ZMYM2: variants seen among roughly 807,000 people sequenced by gnomAD.
ZMYM2 encodes zinc finger MYM-type containing 2.
A neutral mutation model predicts 162.8 loss-of-function variants in ZMYM2; 56 were observed. The ratio of observed to expected loss-of-function variants is 0.34; its 90% CI spans 0.28 to 0.43. The LOEUF (loss-of-function observed/expected upper bound fraction) is 0.43. ZMYM2 is among the 20% of genes least tolerant of loss of function. The pLI, the probability that ZMYM2 is intolerant of heterozygous loss-of-function variation, is 1.00. For synonymous variants in ZMYM2, 510 were observed against 541.6 expected (o/e 0.94, Z 0.81); for missense variants, 1,275 against 1,621.8 (o/e 0.79, Z 3.67).
chr13:19,941,836 A>G, the ZMYM2 span, among the ~76,000 whole-genome samples: 1 of 139,850 alleles, frequency 7.2e-6, no homozygotes, highest in Non-Finnish European at 1.5e-5. Flanking sequence ...TACAGCCTTG[A>G]CCTGGGCTAA....
intron 2 of ZMYM2, among the ~76,000 whole-genome samples, chr13:19,992,205 A>C (rs1025612489): frequency 6.6e-6 from 1 of 152,166 alleles, no homozygotes; most frequent in Non-Finnish European, 1.5e-5. Flanking sequence ...ATTTTCAGAA[A>C]GATTTAATTG....
In ZMYM2 at chr13:19,993,845, C is replaced by G; in HGVS notation, c.773C>G (p.Pro258Arg). 2 of 1,613,996 alleles carry G rather than the reference C, an allele frequency of 1.2e-6. No individual in the cohort carries two copies. The highest frequency in any genetic ancestry group is 1.7e-6 in the Non-Finnish European group (2 of 1,179,978). The change falls in exon 3 of 25, where the codon CCT becomes CGT. Residue 258 changes from proline to arginine, a missense_variant. Around this residue, in one of 10 missense-constraint regions of ZMYM2, gnomAD observed 115 missense variants for 175.3 expected, o/e 0.66. Transcript: ENST00000610343. Reference sequence around the variant, plus strand: ...TCACAGACCAAGACTGGAGTAGGACCTTTTAATCCTGGTAGAATGAATGTG... The same window carrying G: ...TCACAGACCAAGACTGGAGTAGGACGTTTTAATCCTGGTAGAATGAATGTG... ...LTSQTKTGVG[P>R]FNPGRMNVAG...
intron 7 of ZMYM2, among the ~76,000 whole-genome samples, chr13:20,023,208 G>C (rs1164181475): frequency 6.6e-6 from 1 of 152,132 alleles, no homozygotes; most frequent in Admixed American, 6.5e-5. Flanking sequence ...TAAATATAAA[G>C]GTAATTTCTT....
At chr13:19,933,637 T>C in the ZMYM2 span, among the ~76,000 whole-genome samples, 1 of 152,120 alleles carries the variant, frequency 6.6e-6, no homozygotes, top group Non-Finnish European at 1.5e-5. Context: ...CAGAAGGAAA[T>C]ATTGCATCGC....
chr13:20,069,645 C>T (rs1410653203), intron 21 of ZMYM2, among the ~76,000 whole-genome samples: 7 of 151,562 alleles, frequency 4.6e-5, no homozygotes, highest in Non-Finnish European at 2.9e-5. Flanking sequence ...AGACATTAAA[C>T]CAGCCTAGCA....
upstream of ZMYM2, among the ~76,000 whole-genome samples, chr13:19,954,574 G>A (rs1005152730): frequency 1.3e-5 from 2 of 151,990 alleles, no homozygotes; most frequent in Non-Finnish European, 2.9e-5. Flanking sequence ...CAACAATAAA[G>A]CAAAATTATG....
chr13:20,072,803 G>T (rs1354895039), intron 21 of ZMYM2, among the ~76,000 whole-genome samples: 1 of 152,082 alleles, frequency 6.6e-6, no homozygotes, highest in African/African-American at 2.4e-5. Flanking sequence ...TTCAAGAAAT[G>T]ATGCATTTCA....
At chr13:19,948,104 C>CA in the ZMYM2 span, among the ~76,000 whole-genome samples, 1 of 151,726 alleles carries the variant, frequency 6.6e-6, no homozygotes. Flanking sequence ...CTGACAATAC[C>CA]AAATGCTAAC....
the ZMYM2 span, among the ~76,000 whole-genome samples, chr13:19,916,251 T>G: frequency 2.6e-5 from 4 of 152,130 alleles, no homozygotes; most frequent in African/African-American, 9.7e-5. Flanking sequence ...GGAACGCTTT[T>G]ACACTGTTGG....
chr13:19,927,439 G>A, the ZMYM2 span, among the ~76,000 whole-genome samples: 3 of 152,216 alleles, frequency 2.0e-5, no homozygotes, highest in Admixed American at 6.5e-5. Flanking sequence ...ACTCTATGTG[G>A]TCTTCTGAGA....
At chr13:19,959,597 T>C (rs1954951918) in intron 1 of ZMYM2, among the ~76,000 whole-genome samples, 1 of 152,230 alleles carries the variant, frequency 6.6e-6, no homozygotes, top group East Asian at 1.9e-4. Flanking sequence ...GAATTGGTAC[T>C]TGGAGTGACG....
At chr13:19,909,830 G>T in the ZMYM2 span, among the ~76,000 whole-genome samples, 8 of 152,074 alleles carry the variant, frequency 5.3e-5, no homozygotes, top group African/African-American at 1.9e-4. Context: ...ATAACTTCTC[G>T]TGTTTCTAAT....
chr13:20,060,327 G>A (rs371316161), intron 16 of ZMYM2, among the ~76,000 whole-genome samples: 8 of 152,250 alleles, frequency 5.3e-5, no homozygotes, highest in East Asian at 3.9e-4. Flanking sequence ...GTGACATTTC[G>A]CGGATGTCTG....
chr13:19,871,045 A>T, the ZMYM2 span, among the ~76,000 whole-genome samples: 1 of 152,220 alleles, frequency 6.6e-6, no homozygotes. Context: ...ATATGTGGAC[A>T]TATGTTAAAA....
At chr13:20,033,121 G>A (rs1223683523) in intron 10 of ZMYM2, among the ~76,000 whole-genome samples, 6 of 151,954 alleles carry the variant, frequency 3.9e-5, no homozygotes, top group South Asian at 2.1e-4. Flanking sequence ...CCCAGTAAGA[G>A]GTAATAAAGG....
At chr13:19,937,673 A>ACATGTG in the ZMYM2 span, among the ~76,000 whole-genome samples, 484 of 150,986 alleles carry the variant, frequency 3.2e-3, 3 homozygotes, top group African/African-American at 0.012. Flanking sequence ...GTTTTAAGGT[A>ACATGTG]CATGTGCACA....
rs1043446097 is a variant in ZMYM2 at position 19,996,552 on chromosome 13, C to T, written c.847+2633C>T. ...GACCAGCCTGGCCAACATGGTGAAA[C>T]CCCATCTCAACTAAAATACAAAAAT... On this transcript the variant is annotated intron_variant, in intron 3 of 24. Transcript: ENST00000610343. Among the ~76,000 whole-genome samples the T allele has an allele frequency of 2.0e-5, 3 of 152,106 alleles. No individual in the cohort carries two copies. The South Asian group carries it at 6.2e-4, about 32-fold the overall frequency.
chr13:20,047,970 T>C (rs1316467084), intron 12 of ZMYM2, among the ~76,000 whole-genome samples: 3 of 152,086 alleles, frequency 2.0e-5, no homozygotes, highest in Admixed American at 6.5e-5. Context: ...TTTAAAAGTT[T>C]TTAAGAAAAA....
rs1244008171 is a variant in ZMYM2, at chr13:20,034,146, T to A, written c.1969-108T>A. 13 of 1,016,300 alleles carry A rather than the reference T, an allele frequency of 1.3e-5. No individual in the cohort carries two copies. In the East Asian group the frequency reaches 4.0e-4, roughly 31 times the overall value. 63.0% of individuals were successfully genotyped at this position (1,016,300 alleles called of 1,614,324 possible). On this transcript the variant is annotated intron_variant, in intron 10 of 24. Transcript: ENST00000610343. ...CCTGTAGGAAATCTATCCCCAAGGGTCTTAACATTAAATAGGTAAATGATT... is the reference window on the plus strand; with the variant it reads ...CCTGTAGGAAATCTATCCCCAAGGGACTTAACATTAAATAGGTAAATGATT...
Sources: gnomAD v4.1 joint callset for allele counts (sites outside exome capture counted in the v4.1 genomes callset) on GRCh38, gnomAD v4.1.1 for gene constraint, gnomAD v4.1.1 regional missense constraint, MANE v1.5 for transcripts, NCBI Gene and HGNC (gene_info 2026-07-23, HGNC 2026-07-21) for gene names.